Variants in NPEPPS observed in about 807,000 individuals in gnomAD.
The protein encoded by NPEPPS is aminopeptidase puromycin sensitive.
NPEPPS carries 14 observed loss-of-function variants against 115.5 expected under a neutral mutation model. That is an observed-to-expected ratio of 0.12 (90% CI 0.08 to 0.19). The LOEUF is 0.19. Ranked by LOEUF, NPEPPS falls within the 10% of genes least tolerant of loss-of-function variation. The pLI is 1.00. For missense variants in NPEPPS, 523 were observed against 1,110.8 expected, an observed-to-expected ratio of 0.47 and a Z score of 7.52; for synonymous variants, 285 against 390.6, an observed-to-expected ratio of 0.73 and a Z score of 3.19.
intron 2 of NPEPPS, among the ~76,000 whole-genome samples, chr17:47,563,947 T>C (rs1365838746): frequency 6.6e-6 from 1 of 152,132 alleles, no homozygotes; most frequent in Non-Finnish European, 1.5e-5. Context: ...ATTTTTTTTT[T>C]CTTTGAGATG....
intron 3 of NPEPPS, among the ~76,000 whole-genome samples, chr17:47,571,529 T>C (rs1004914432): frequency 4.6e-5 from 7 of 152,078 alleles, no homozygotes; most frequent in African/African-American, 1.7e-4. Context: ...CCATCCTGAC[T>C]AACACGGTGA....
chr17:47,585,897 G>A (rs1221913451), intron 6 of NPEPPS, 197 bp downstream of exon 6: 2 of 594,548 alleles, frequency 3.4e-6, no homozygotes, highest in Non-Finnish European at 5.9e-6. Context: ...GAGAATATAA[G>A]AGTGGAATTT....
At chr17:47,547,764 C>G (rs1388289455) in intron 2 of NPEPPS, among the ~76,000 whole-genome samples, 1 of 152,120 alleles carries the variant, frequency 6.6e-6, no homozygotes, top group Admixed American at 6.6e-5. Flanking sequence ...CGGTGGCTCA[C>G]GCCTGTAATT....
intron 17 of NPEPPS, among the ~76,000 whole-genome samples, chr17:47,607,949 A>G (rs1376517670): frequency 1.3e-5 from 2 of 151,928 alleles, no homozygotes; most frequent in African/African-American, 2.4e-5. Context: ...GATTCAAGCT[A>G]TCCTCCCACC....
chr17:47,564,959 T>G (rs1265825883), intron 2 of NPEPPS, among the ~76,000 whole-genome samples: 1 of 152,202 alleles, frequency 6.6e-6, no homozygotes, highest in Admixed American at 6.5e-5. Flanking sequence ...ATTAATGACC[T>G]CCATGACATA....
intron 1 of NPEPPS, among the ~76,000 whole-genome samples, chr17:47,533,015 G>GT (rs1796219809): frequency 6.6e-6 from 1 of 152,166 alleles, no homozygotes; most frequent in African/African-American, 2.4e-5. Context: ...AAAGAACATG[G>GT]TGTATATAGT....
intron 1 of NPEPPS, among the ~76,000 whole-genome samples, chr17:47,532,933 G>A (rs1055323635): frequency 1.3e-5 from 2 of 152,162 alleles, no homozygotes; most frequent in African/African-American, 4.8e-5. Flanking sequence ...TAGAATGTTA[G>A]TAAATATATT....
At chr17:47,557,106 TCTCA>T (rs1267002898) in intron 2 of NPEPPS, among the ~76,000 whole-genome samples, 9 of 152,058 alleles carry the variant, frequency 5.9e-5, no homozygotes, top group African/African-American at 1.9e-4. Flanking sequence ...TGAGACGGAG[TCTCA>T]CTCTGTCACC....
At chr17:47,595,327 A>C (rs952509372) in intron 12 of NPEPPS, among the ~76,000 whole-genome samples, 5 of 152,130 alleles carry the variant, frequency 3.3e-5, no homozygotes, top group Admixed American at 2.6e-4. Flanking sequence ...TGGCCTCCCA[A>C]AGTGCTGGGA....
chr17:47,618,040 AT>A (rs926745747), intron 19 of NPEPPS, among the ~76,000 whole-genome samples: 126 of 145,196 alleles, frequency 8.7e-4, no homozygotes, highest in Non-Finnish European at 7.2e-4. Context: ...CGCCCGGCTA[AT>A]TTTTTTTTTT....
intron 10 of NPEPPS, among the ~76,000 whole-genome samples, 192 bp downstream of exon 10, chr17:47,591,073 TA>T (rs947424276): frequency 1.3e-5 from 2 of 151,442 alleles, no homozygotes; most frequent in South Asian, 4.2e-4. Context: ...AGGTAGGCAG[TA>T]AAAAAAAATT....
chr17:47,572,564 A>G (rs1215345727), intron 3 of NPEPPS, among the ~76,000 whole-genome samples: 1 of 152,194 alleles, frequency 6.6e-6, no homozygotes, highest in Non-Finnish European at 1.5e-5. Context: ...AGGACAGGAC[A>G]GAATGCCATC....
At chr17:47,540,788 C>CA (rs1908697603) in intron 1 of NPEPPS, among the ~76,000 whole-genome samples, 1 of 152,176 alleles carries the variant, frequency 6.6e-6, no homozygotes, top group Non-Finnish European at 1.5e-5. Flanking sequence ...AGTGCTAAAA[C>CA]AGAGACTTTA....
chr17:47,569,316 A>G (rs1597847527), intron 2 of NPEPPS, 101 bp from the exon 3 acceptor site: 2 of 687,310 alleles, frequency 2.9e-6, no homozygotes, highest in East Asian at 2.8e-5. Context: ...AATTAAGAAT[A>G]TTTTGCTTTT....
intron 2 of NPEPPS, among the ~76,000 whole-genome samples, chr17:47,549,274 A>G (rs62073977): frequency 6.6e-6 from 1 of 151,590 alleles, no homozygotes; most frequent in Admixed American, 6.6e-5. Flanking sequence ...CCCGGGAGGC[A>G]GAGGTTGCAG....
At chr17:47,550,331 T>G (rs1453009424) in intron 2 of NPEPPS, among the ~76,000 whole-genome samples, 2 of 142,710 alleles carry the variant, frequency 1.4e-5, no homozygotes, top group African/African-American at 2.7e-5. Flanking sequence ...ATGTGTGTGT[T>G]TTTTTTTTTT....
chr17:47,601,077 AT>A (rs1378036543), intron 14 of NPEPPS, among the ~76,000 whole-genome samples: 5 of 151,962 alleles, frequency 3.3e-5, no homozygotes, highest in African/African-American at 9.7e-5. Context: ...GTACAAAAAA[AT>A]ATTGTATATT....
intron 2 of NPEPPS, among the ~76,000 whole-genome samples, chr17:47,557,883 C>T (rs939725984): frequency 8.9e-5 from 12 of 134,660 alleles, no homozygotes; most frequent in African/African-American, 3.0e-4. Flanking sequence ...CTTTATAATC[C>T]TTTTCTCTCC....
intron 1 of NPEPPS, among the ~76,000 whole-genome samples, chr17:47,545,186 T>A (rs996353978): frequency 2.0e-5 from 3 of 152,052 alleles, no homozygotes; most frequent in Non-Finnish European, 4.4e-5. Flanking sequence ...AAAAATTTTT[T>A]TTGTCTCACT....
Sources: gnomAD v4.1 joint callset for allele counts (sites outside exome capture counted in the v4.1 genomes callset) on GRCh38, gnomAD v4.1.1 for gene constraint, MANE v1.5 for transcripts, NCBI Gene and HGNC (gene_info 2026-07-23, HGNC 2026-07-21) for gene names.